EIF4G3: variants seen among roughly 807,000 people sequenced by gnomAD.
The protein encoded by EIF4G3 is eIF-4-gamma 3.
In EIF4G3, 34 loss-of-function variants were observed where a neutral mutation model predicts 186.4. The observed-to-expected ratio is 0.18, with a 90% CI of 0.14 to 0.24. The LOEUF is 0.24. EIF4G3 is among the 10% of genes least tolerant of loss of function. The probability of loss-of-function intolerance (pLI) is 1.00; values close to 1 mark genes in which losing one functional copy is unlikely to be tolerated. For synonymous variants in EIF4G3, 673 were observed against 679.5 expected (o/e 0.99, Z 0.15); for missense variants, 1,536 against 1,948.5 (o/e 0.79, Z 3.99).
intron 2 of EIF4G3, among the ~76,000 whole-genome samples, chr1:21,134,453 G>A (rs966102264): frequency 6.6e-6 from 1 of 152,166 alleles, no homozygotes; most frequent in African/African-American, 2.4e-5. Flanking sequence ...AGGATCACAT[G>A]AGGTTAGGAG....
At position 20,969,549 on chromosome 1, in the gene EIF4G3, C is replaced by T. The variant is rs773533322; in HGVS notation, c.639G>A (p.Glu213=). Residue 213 remains glutamate, a synonymous_variant, in exon 12 of 37, where the codon GAG becomes GAA. Coordinates refer to ENST00000602326, the MANE Select transcript of EIF4G3 (RefSeq NM_001391906.1). ...TTCTGCTGCCACCTCCAGACATAAT[C>T]TCCTCTGTTATGTCTTTACCTCCCT... ...PNQGGKDITE[E]IMSGGGSRNP... 2 of 1,613,202 alleles carry T rather than the reference C, an allele frequency of 1.2e-6. No individual in the cohort carries two copies. Among genetic ancestry groups the T allele is most frequent in the Non-Finnish European group, 1.7e-6 (2 of 1,179,346 alleles).
intron 2 of EIF4G3, among the ~76,000 whole-genome samples, chr1:21,164,262 T>C (rs1236873359): frequency 6.6e-6 from 1 of 152,178 alleles, no homozygotes; most frequent in Non-Finnish European, 1.5e-5. Flanking sequence ...ACTCTATTTT[T>C]TACAAAACTA....
chr1:21,057,566 A>G (rs907100614), intron 3 of EIF4G3, among the ~76,000 whole-genome samples: 10 of 152,258 alleles, frequency 6.6e-5, no homozygotes, highest in African/African-American at 2.4e-4. Flanking sequence ...TATGACAGAA[A>G]GGGCATGTGA....
chr1:20,992,333 C>T (rs2081307172), intron 7 of EIF4G3, among the ~76,000 whole-genome samples: 3 of 102,782 alleles, frequency 2.9e-5, no homozygotes, highest in Admixed American at 2.4e-4. Context: ...TATAGTAACA[C>T]AAATATATCT....
rs370284743 is a variant in EIF4G3, at chr1:20,899,857, G to C, written c.1839C>G (p.Asp613Glu). The C allele has an allele frequency of 6.2e-7, 1 of 1,614,032 alleles. No individual in the cohort carries two copies. The change falls in exon 16 of 37, where the codon GAC (aspartate) becomes GAG (glutamate). Residue 613 changes from aspartate (D) to glutamate (E), a missense_variant. Physicochemically the swap from Asp to Glu is conservative, Grantham distance 45. Around this residue, in one of 11 missense-constraint regions of EIF4G3, gnomAD observed 560 missense variants for 547.8 expected, o/e 1.02. Transcript: ENST00000602326. Reference protein sequence around the residue: ...KMSQGFHPERDPSDLKKVKAV... With the variant: ...KMSQGFHPEREPSDLKKVKAV... The stretch of plus-strand genomic sequence containing the variant: ...CTTTCACTTTTTTTAGGTCAGAGGG[G>C]TCTCTTTCAGGATGAAACCCCTGGC...
intron 33 of EIF4G3, among the ~76,000 whole-genome samples, chr1:20,822,942 A>C (rs1401300597): frequency 1.3e-5 from 2 of 152,132 alleles, no homozygotes; most frequent in Non-Finnish European, 2.9e-5. Context: ...TGCACAGGGA[A>C]TTCTACATTT....
At chr1:21,086,712 G>A (rs922862892) in intron 3 of EIF4G3, among the ~76,000 whole-genome samples, 1 of 151,956 alleles carries the variant, frequency 6.6e-6, no homozygotes, top group Non-Finnish European at 1.5e-5. Flanking sequence ...GGTCAAGGTG[G>A]GCGGATCACT....
chr1:20,923,617 C>T (rs2154560229), intron 14 of EIF4G3, among the ~76,000 whole-genome samples: 1 of 152,064 alleles, frequency 6.6e-6, no homozygotes, highest in African/African-American at 2.4e-5. Context: ...AGCTCACTGC[C>T]TCGAATATAT....
intron 28 of EIF4G3, among the ~76,000 whole-genome samples, chr1:20,850,205 A>T (rs1304257834): frequency 6.6e-6 from 1 of 152,224 alleles, no homozygotes; most frequent in African/African-American, 2.4e-5. Flanking sequence ...ACAGGGATCA[A>T]GGGCCTCACA....
chr1:20,873,539 T>C (rs2079831244), intron 20 of EIF4G3, among the ~76,000 whole-genome samples: 1 of 152,176 alleles, frequency 6.6e-6, no homozygotes, highest in African/African-American at 2.4e-5. Flanking sequence ...GCATAGTACA[T>C]GAACATCTTC....
At chr1:20,939,836 C>T (rs1411548416) in intron 14 of EIF4G3, among the ~76,000 whole-genome samples, 1 of 149,194 alleles carries the variant, frequency 6.7e-6, no homozygotes, top group East Asian at 2.0e-4. Context: ...ACACCAACAC[C>T]AAGTTGTTTA....
chr1:21,168,111 A>G (rs2097889770), intron 2 of EIF4G3: 1 of 464,338 alleles, frequency 2.2e-6, no homozygotes, highest in Admixed American at 2.4e-5. Context: ...ACTATTCAAG[A>G]AGTATCTCTT....
At chr1:20,869,700 G>A (rs1260847287) in intron 20 of EIF4G3, among the ~76,000 whole-genome samples, 8 of 150,512 alleles carry the variant, frequency 5.3e-5, no homozygotes, top group Non-Finnish European at 7.4e-5. Flanking sequence ...GCTTGAACCC[G>A]GGAGGCGAAG....
intron 14 of EIF4G3, among the ~76,000 whole-genome samples, chr1:20,905,614 T>C (rs2091844026): frequency 6.6e-6 from 1 of 152,198 alleles, no homozygotes; most frequent in South Asian, 2.1e-4. Context: ...TTGTTTCAGA[T>C]TTCTAGATTA....
intron 4 of EIF4G3, among the ~76,000 whole-genome samples, chr1:21,011,763 A>G (rs2087178345): frequency 6.6e-6 from 1 of 152,254 alleles, no homozygotes; most frequent in South Asian, 2.1e-4. Flanking sequence ...TATATAAATA[A>G]AACAGTAAAC....
chr1:21,075,363 G>A (rs1478999132), intron 3 of EIF4G3, among the ~76,000 whole-genome samples: 2 of 151,904 alleles, frequency 1.3e-5, no homozygotes, highest in Non-Finnish European at 2.9e-5. Context: ...GAGGCCAGGA[G>A]TTTGAGATGA....
chr1:20,976,325 C>G (rs996820289), intron 10 of EIF4G3, among the ~76,000 whole-genome samples: 3 of 150,058 alleles, frequency 2.0e-5, no homozygotes, highest in Non-Finnish European at 3.0e-5. Context: ...ATCCCTCCCC[C>G]TTCCCCCCAC....
intron 2 of EIF4G3, among the ~76,000 whole-genome samples, chr1:21,124,624 T>G (rs77391118): frequency 1.3e-5 from 2 of 152,180 alleles, no homozygotes; most frequent in African/African-American, 4.8e-5. Context: ...TCTCAAACTA[T>G]CCCACCTAGT....
intron 2 of EIF4G3, among the ~76,000 whole-genome samples, chr1:21,113,200 G>C (rs1414785592): frequency 6.6e-6 from 1 of 150,436 alleles, no homozygotes; most frequent in African/African-American, 2.4e-5. Flanking sequence ...TTTTAATGCA[G>C]GGAGAAGAGT....
Sources: gnomAD v4.1 joint callset for allele counts (sites outside exome capture counted in the v4.1 genomes callset) on GRCh38, gnomAD v4.1.1 for gene constraint, gnomAD v4.1.1 regional missense constraint, MANE v1.5 for transcripts, NCBI Gene and HGNC (gene_info 2026-07-23, HGNC 2026-07-21) for gene names.